Variants in AHNAK observed in about 807,000 individuals in gnomAD.
AHNAK encodes the protein AHNAK nucleoprotein, also known as neuroblast differentiation-associated protein AHNAK.
AHNAK carries 23 observed loss-of-function variants against 37.8 expected under a neutral mutation model. That is an observed-to-expected ratio of 0.61 (90% CI 0.44 to 0.86). The LOEUF (loss-of-function observed/expected upper bound fraction) is 0.86, where lower values mean the gene tolerates loss of function less well. Ranked by LOEUF, AHNAK falls within the 40% of genes least tolerant of loss-of-function variation. AHNAK has a pLI of 0.00. For missense variants in AHNAK, 7,411 were observed against 7,319.4 expected (o/e 1.01, Z -0.46); for synonymous variants, 2,481 against 2,636.3 (o/e 0.94, Z 1.80).
chr11:62,472,627 T>G (rs2134851098), intron 5 of AHNAK, among the ~76,000 whole-genome samples: 1 of 152,124 alleles, frequency 6.6e-6, no homozygotes, highest in East Asian at 1.9e-4. Flanking sequence ...CCCCACCCCC[T>G]GCCACCATCC....
intron 5 of AHNAK, among the ~76,000 whole-genome samples, chr11:62,468,280 G>A (rs1938955019): frequency 6.6e-6 from 1 of 151,942 alleles, no homozygotes; most frequent in East Asian, 1.9e-4. Context: ...CCTGGGAGGT[G>A]GAGGTTGCAG....
At chr11:62,484,241 G>T (rs1018168251) in intron 5 of AHNAK, among the ~76,000 whole-genome samples, 1 of 151,032 alleles carries the variant, frequency 6.6e-6, no homozygotes. Context: ...AATTAGCTGG[G>T]CATGGTAGCA....
intron 1 of AHNAK, among the ~76,000 whole-genome samples, chr11:62,544,414 A>G (rs528991986): frequency 6.6e-6 from 1 of 151,698 alleles, no homozygotes; most frequent in Non-Finnish European, 1.5e-5. Context: ...GTGGCTCCCC[A>G]TGTGTCCCTG....
intron 5 of AHNAK, among the ~76,000 whole-genome samples, chr11:62,436,313 G>C (rs890050024): frequency 6.6e-6 from 1 of 152,086 alleles, no homozygotes; most frequent in South Asian, 2.1e-4. Flanking sequence ...CTGATGCTCC[G>C]GGGGAGTAGC....
At chr11:62,511,006 A>C (rs956462325), downstream of AHNAK, among the ~76,000 whole-genome samples, 1 of 152,190 alleles carries the variant, frequency 6.6e-6, no homozygotes, top group East Asian at 1.9e-4. Context: ...AATACCAAAG[A>C]GCTAAGGTGG....
rs368967935 is a variant in AHNAK, at chr11:62,523,580, G to T, written c.10837C>A (p.Pro3613Thr). The stretch of plus-strand genomic sequence containing the variant: ...TCAGGGCCTTCTCCTTTGAAGCCAG[G>T]CATGCTGAACTTGGGCATTTTCACT... The part of the protein sequence containing the change: ...PKVKMPKFSM[P>T]GFKGEGPEVD... Residue 3613 changes from proline (P) to threonine (T), a missense_variant, in exon 5 of 5, where the codon CCT (proline) becomes ACT (threonine). Physicochemically the swap from Pro to Thr is conservative, Grantham distance 38 (BLOSUM62 -1). Transcript: ENST00000378024. 37 of 1,613,930 alleles carry T rather than the reference G, an allele frequency of 2.3e-5. 1 individual carries two copies. The highest frequency in any genetic ancestry group is 3.0e-5 in the Non-Finnish European group (35 of 1,180,016).
intron 4 of AHNAK, among the ~76,000 whole-genome samples, chr11:62,495,296 G>C (rs144734344): frequency 1.3e-5 from 2 of 152,190 alleles, no homozygotes; most frequent in African/African-American, 4.8e-5. Flanking sequence ...AAATATGAAA[G>C]AAGGAAAAAA....
chr11:62,481,908 G>A (rs936396752), intron 5 of AHNAK, among the ~76,000 whole-genome samples: 1 of 152,030 alleles, frequency 6.6e-6, no homozygotes, highest in Non-Finnish European at 1.5e-5. Flanking sequence ...CCTCTGCCTT[G>A]ATGTTAAGAC....
intron 5 of AHNAK, among the ~76,000 whole-genome samples, chr11:62,468,514 A>T (rs1938964503): frequency 6.6e-6 from 1 of 152,156 alleles, no homozygotes; most frequent in South Asian, 2.1e-4. Flanking sequence ...CTCCTGCCCT[A>T]GGCCCAACAG....
chr11:62,469,865 GAGTTCACAAAGTGGA>G (rs1938994890), intron 5 of AHNAK, among the ~76,000 whole-genome samples: 1 of 152,190 alleles, frequency 6.6e-6, no homozygotes, highest in South Asian at 2.1e-4. Flanking sequence ...GAAACTGATT[GAGTTCACAAAGTGGA>G]CAAGATAGGA....
intron 4 of AHNAK, among the ~76,000 whole-genome samples, chr11:62,493,616 G>A (rs1376803457): frequency 4.6e-5 from 7 of 150,902 alleles, no homozygotes; most frequent in Admixed American, 4.6e-4. Flanking sequence ...TTACAGGCGT[G>A]AGCCACCGTG....
At chr11:62,467,468 T>G (rs1938935882) in intron 5 of AHNAK, among the ~76,000 whole-genome samples, 1 of 152,128 alleles carries the variant, frequency 6.6e-6, no homozygotes, top group Admixed American at 6.6e-5. Flanking sequence ...ACGGATCACC[T>G]GAGGTCAGGA....
Position 62,524,812 on chromosome 11 carries a change from A to G in AHNAK, c.9605T>C (p.Leu3202Pro), listed in dbSNP as rs751237086. Residue 3202 changes from leucine to proline, a missense_variant, in exon 5 of 5, where the codon CTG (leucine) becomes CCG (proline). By Grantham distance (98) the Leu-to-Pro change is moderately conservative. Transcript: ENST00000378024. Reference protein sequence around the residue: ...DVNIEGPDAKLKGPKFKMPEM... With the variant: ...DVNIEGPDAKPKGPKFKMPEM... ...TGGCATCTTGAATTTAGGGCCCTTC[A>G]GTTTCGCATCTGGACCTTCAATATT... is the stretch of plus-strand genomic sequence containing the variant. The G allele has an allele frequency of 6.2e-7, 1 of 1,614,168 alleles. No individual in the cohort carries two copies. The highest frequency in any genetic ancestry group is 8.5e-7 in the Non-Finnish European group (1 of 1,180,022).
intron 5 of AHNAK, among the ~76,000 whole-genome samples, chr11:62,458,496 CTCT>C (rs992695485): frequency 2.0e-5 from 3 of 152,156 alleles, no homozygotes; most frequent in African/African-American, 7.2e-5. Flanking sequence ...CTCCCTACAA[CTCT>C]TCTGCTGGAA....
At chr11:62,456,994 T>C (rs1425050687) in intron 5 of AHNAK, among the ~76,000 whole-genome samples, 1 of 152,156 alleles carries the variant, frequency 6.6e-6, no homozygotes, top group Non-Finnish European at 1.5e-5. Context: ...AGCTCATTGA[T>C]TCACCTTAGA....
chr11:62,520,166 T>C lies in AHNAK; in HGVS notation c.14251A>G (p.Lys4751Glu). The C allele has an allele frequency of 6.2e-7, 1 of 1,613,860 alleles. No homozygotes were observed. The highest frequency in any genetic ancestry group is 8.5e-7 in the Non-Finnish European group (1 of 1,179,988). The change falls in exon 5 of 5, where the codon AAG becomes GAG. Residue 4751 changes from lysine (K) to glutamate (E), a missense_variant. By Grantham distance (56) the Lys-to-Glu change is moderately conservative. Transcript: ENST00000378024. ...VTLPKVEGDL[K>E]GPEADIKGPK... ...CCCTTGATGTCAGCTTCTGGGCCCT[T>C]GAGGTCACCTTCCACTTTAGGAAGG... is the stretch of plus-strand genomic sequence containing the variant.
chr11:62,519,560 T>A lies in AHNAK; in HGVS notation c.14857A>T (p.Ser4953Cys). The change falls in exon 5 of 5, where the codon AGC becomes TGC. Residue 4953 changes from serine to cysteine, a missense_variant. Ser to Cys is a moderately radical substitution (Grantham distance 112, BLOSUM62 -1). Transcript: ENST00000378024. ...DLKGPKVEAPSLDVHMDSPDI... is the reference protein window; with the variant it reads ...DLKGPKVEAPCLDVHMDSPDI... Reference sequence around the variant, plus strand: ...GGGCTGTCCATGTGTACATCTAAGCTTGGAGCTTCAACTTTGGGTCCCTTG... The same window carrying A: ...GGGCTGTCCATGTGTACATCTAAGCATGGAGCTTCAACTTTGGGTCCCTTG... The A allele has an allele frequency of 6.2e-7, 1 of 1,611,362 alleles. No individual in the cohort carries two copies. The highest frequency in any genetic ancestry group is 8.5e-7 in the Non-Finnish European group (1 of 1,178,766).
At chr11:62,468,358 GAAA>G (rs67985309) in intron 5 of AHNAK, among the ~76,000 whole-genome samples, 111,572 of 148,358 alleles carry the variant, frequency 0.75, 47,428 homozygotes, top group Non-Finnish European at 0.95. Flanking sequence ...CCAAAAAAAA[GAAA>G]AAAAAAAAAA....
In AHNAK at chr11:62,475,723, G is replaced by T. The variant is rs539479155; in HGVS notation, c.442+16009C>A. ...GGTCTCAGGTGATTCTCCTGCCCCA[G>T]CCTCCCAAGTAGCTGGGATTACAGG... On this transcript the variant is annotated intron_variant, in intron 5 of 5. Coordinates refer to the AHNAK transcript ENST00000257247. Among the ~76,000 whole-genome samples the T allele has an allele frequency of 2.7e-5, 4 of 146,096 alleles. No homozygotes were observed. In the South Asian group the frequency reaches 9.2e-4, roughly 34 times the overall value.
Sources: allele counts gnomAD v4.1 joint callset (sites outside exome capture counted in the v4.1 genomes callset), GRCh38; gene constraint gnomAD v4.1.1; transcripts MANE v1.5; gene names NCBI Gene and HGNC (gene_info 2026-07-23, HGNC 2026-07-21).